ARHGAP15: variants seen among roughly 807,000 people sequenced by gnomAD.
ARHGAP15 encodes the protein rho GTPase-activating protein 15.
A neutral mutation model predicts 63.7 loss-of-function variants in ARHGAP15; 51 were observed. The ratio of observed to expected loss-of-function variants is 0.80; its 90% confidence interval spans 0.64 to 1.01. The LOEUF is 1.01. Ranked by LOEUF, ARHGAP15 falls within the 50% of genes least tolerant of loss-of-function variation. The pLI is 0.00. For synonymous variants in ARHGAP15, 191 were observed against 193.8 expected, an observed-to-expected ratio of 0.99 and a Z score of 0.12; for missense variants, 560 against 564.6, an observed-to-expected ratio of 0.99 and a Z score of 0.08.
intron 6 of ARHGAP15, among the ~76,000 whole-genome samples, chr2:143,361,350 A>T (rs1214935381): frequency 6.6e-6 from 1 of 152,158 alleles, no homozygotes; most frequent in Non-Finnish European, 1.5e-5. Context: ...TTATTATCTT[A>T]ACTATCAACA....
intron 8 of ARHGAP15, among the ~76,000 whole-genome samples, chr2:143,481,420 T>C (rs370092453): frequency 8.6e-5 from 13 of 151,904 alleles, no homozygotes; most frequent in South Asian, 2.1e-4. Context: ...AAAAAAATAA[T>C]AACAACATGT....
rs58976215 is a variant in ARHGAP15, at chr2:143,379,487, ATGTGTGTGTG to A, written c.475-56078_475-56069del. 5.6e-3 allele frequency among the ~76,000 whole-genome samples: 722 copies of A among 129,840 alleles called. 9 individuals carry two copies. Among genetic ancestry groups the A allele is most frequent in the African/African-American group, 0.019 (649 of 34,636 alleles). The allele number at this position is 129,840 out of a possible 152,430, so 85.2% of individuals were successfully genotyped here. On this transcript the variant is annotated intron_variant, in intron 6 of 13. Coordinates refer to ENST00000295095, the MANE Select transcript of ARHGAP15 (RefSeq NM_018460.4). ...AACAAGGTGGTTTTTAGGCATATAT[ATGTGTGTGTG>A]TGTGTGTGTGTGTGTGTGTGTGTGT...
intron 13 of ARHGAP15, among the ~76,000 whole-genome samples, chr2:143,731,696 T>G (rs1395623830): frequency 6.6e-6 from 1 of 152,242 alleles, no homozygotes; most frequent in African/African-American, 2.4e-5. Context: ...ATTTGATGCT[T>G]GCATATAGCA....
chr2:143,743,257 G>A (rs1005636160), intron 13 of ARHGAP15, among the ~76,000 whole-genome samples: 1 of 152,130 alleles, frequency 6.6e-6, no homozygotes, highest in African/African-American at 2.4e-5. Context: ...GGGAATAATA[G>A]TACCTGTCTC....
chr2:143,246,254 G>A (rs780988078), intron 5 of ARHGAP15, among the ~76,000 whole-genome samples: 4 of 151,930 alleles, frequency 2.6e-5, no homozygotes, highest in Non-Finnish European at 5.9e-5. Context: ...AAAGATTGTT[G>A]TAAGAAGTAA....
intron 6 of ARHGAP15, among the ~76,000 whole-genome samples, chr2:143,296,980 T>C (rs1397276990): frequency 6.6e-6 from 1 of 151,936 alleles, no homozygotes; most frequent in Non-Finnish European, 1.5e-5. Context: ...TTTCCTTAGG[T>C]TATATGCTTA....
intron 6 of ARHGAP15, among the ~76,000 whole-genome samples, chr2:143,337,099 G>A (rs999584836): frequency 2.0e-5 from 3 of 152,088 alleles, no homozygotes; most frequent in African/African-American, 7.2e-5. Flanking sequence ...TCGGTGAGGT[G>A]GAAAGGGCAG....
chr2:143,353,658 GCTT>G (rs1408633097), intron 6 of ARHGAP15, among the ~76,000 whole-genome samples: 1 of 152,078 alleles, frequency 6.6e-6, no homozygotes, highest in African/African-American at 2.4e-5. Context: ...ACAAATGAAA[GCTT>G]CTTCTCATTC....
chr2:143,336,389 C>T (rs763784095), intron 6 of ARHGAP15, among the ~76,000 whole-genome samples: 9 of 152,108 alleles, frequency 5.9e-5, no homozygotes, highest in Non-Finnish European at 1.3e-4. Flanking sequence ...TGTATAAGAA[C>T]ATGACCAGTT....
chr2:143,731,569 G>A (rs529629294), intron 13 of ARHGAP15, among the ~76,000 whole-genome samples: 6 of 152,228 alleles, frequency 3.9e-5, no homozygotes, highest in South Asian at 2.1e-4. Context: ...CTTCTTCAGA[G>A]GACCTGGCTC....
intron 9 of ARHGAP15, among the ~76,000 whole-genome samples, chr2:143,498,951 A>C (rs1692936745): frequency 6.6e-6 from 1 of 152,180 alleles, no homozygotes; most frequent in Non-Finnish European, 1.5e-5. Context: ...CAGCCATTTA[A>C]GACACTTTCT....
At chr2:143,661,994 G>A (rs2105325333) in intron 12 of ARHGAP15, among the ~76,000 whole-genome samples, 1 of 152,360 alleles carries the variant, frequency 6.6e-6, no homozygotes, top group South Asian at 2.1e-4. Context: ...GGCTGGGGGA[G>A]GGGCGCCCGC....
At chr2:143,176,117 G>A (rs780925281) in intron 2 of ARHGAP15, among the ~76,000 whole-genome samples, 15 of 152,070 alleles carry the variant, frequency 9.9e-5, no homozygotes, top group Non-Finnish European at 1.5e-4. Context: ...TCAACAATTG[G>A]TCATGTGAGG....
intron 8 of ARHGAP15, among the ~76,000 whole-genome samples, chr2:143,477,737 A>AT (rs1300760405): frequency 6.6e-6 from 1 of 152,206 alleles, no homozygotes; most frequent in African/African-American, 2.4e-5. Context: ...GAAAGAAAAA[A>AT]GAAAGAAATG....
chr2:143,289,084 A>G (rs1482790158), intron 6 of ARHGAP15, among the ~76,000 whole-genome samples: 3 of 152,136 alleles, frequency 2.0e-5, no homozygotes, highest in Non-Finnish European at 2.9e-5. Flanking sequence ...TGGAGAGTTC[A>G]GGAGAGAACC....
At chr2:143,344,837 CAAGT>C (rs988595617) in intron 6 of ARHGAP15, among the ~76,000 whole-genome samples, 6 of 152,074 alleles carry the variant, frequency 3.9e-5, no homozygotes, top group Middle Eastern at 3.2e-3. Flanking sequence ...AACAAATAAA[CAAGT>C]AAACTACAAG....
In ARHGAP15 at chr2:143,420,774, T is replaced by A. The variant is rs143868428; in HGVS notation, c.475-14827T>A. Among the ~76,000 whole-genome samples, 109 of 152,308 alleles carry A rather than the reference T, an allele frequency of 7.2e-4. No homozygotes were observed. The East Asian group carries it at 0.019, about 27-fold the overall frequency. ...TGGCAAGAAGACCATGGAGTCTTAT[T>A]CTCTGATAATGTTTATTCCACATCT... On this transcript the variant is annotated intron_variant, in intron 6 of 13. Transcript: ENST00000295095.
chr2:143,550,918 A>T (rs1221187948), intron 10 of ARHGAP15, among the ~76,000 whole-genome samples: 1 of 152,192 alleles, frequency 6.6e-6, no homozygotes. Flanking sequence ...TGGTAGAGAG[A>T]AGTAAGAGTA....
intron 11 of ARHGAP15, among the ~76,000 whole-genome samples, chr2:143,570,952 G>A (rs1051084869): frequency 2.0e-5 from 3 of 152,152 alleles, no homozygotes. Context: ...GGCTTGTTAG[G>A]AACCTGGCAG....
Sources: gnomAD v4.1 joint callset for allele counts (sites outside exome capture counted in the v4.1 genomes callset) on GRCh38, gnomAD v4.1.1 for gene constraint, MANE v1.5 for transcripts, NCBI Gene and HGNC (gene_info 2026-07-23, HGNC 2026-07-21) for gene names.